SCOC: variants seen among roughly 807,000 people sequenced by gnomAD.
The protein encoded by SCOC is short coiled-coil protein, also known as short coiled coil protein.
Under a neutral mutation model 9.9 loss-of-function variants are expected in SCOC, and 7 were observed. The observed-to-expected ratio is 0.71, with a 90% confidence interval of 0.40 to 1.33. The LOEUF (loss-of-function observed/expected upper bound fraction) is 1.33. SCOC is among the 40% of genes most tolerant of loss of function. SCOC has a pLI of 0.01. For synonymous variants in SCOC, 19 were observed against 28.2 expected, an observed-to-expected ratio of 0.67 and a Z score of 1.03; for missense variants, 66 against 89.7, an observed-to-expected ratio of 0.74 and a Z score of 1.07.
At chr4:140,362,630 T>C (rs1346056068) in intron 2 of SCOC, 1 of 151,842 alleles carries the variant, frequency 6.6e-6, no homozygotes, top group Admixed American at 6.6e-5. Flanking sequence ...GGTCAAATAG[T>C]GGAAAAGAAA....
chr4:140,287,631 C>T (rs1200300454), intron 1 of SCOC, among the ~76,000 whole-genome samples: 3 of 152,060 alleles, frequency 2.0e-5, no homozygotes, highest in Admixed American at 1.3e-4. Flanking sequence ...TGCATATGCA[C>T]ATGCCACACA....
At chr4:140,312,713 C>T (rs979005317) in intron 1 of SCOC, among the ~76,000 whole-genome samples, 6 of 152,294 alleles carry the variant, frequency 3.9e-5, no homozygotes, top group Middle Eastern at 3.4e-3. Flanking sequence ...GGATTACAGG[C>T]ATGAGCCATA....
At position 140,384,389 on chromosome 4, in the gene SCOC, TAGAC is replaced by T. The variant is rs549725785; in HGVS notation, c.*3288_*3291del. ...TTCTGGAAAAGACTCGACCAAATTTTAGACAGGCACCTCTGAGCCCTGTTTTTGA... is the reference window on the plus strand; with the variant it reads ...TTCTGGAAAAGACTCGACCAAATTTTAGGCACCTCTGAGCCCTGTTTTTGA... On this transcript the variant is annotated 3_prime_UTR_variant, in exon 4 of 4. Transcript: ENST00000608372. 7 of 152,332 alleles carry T rather than the reference TAGAC, an allele frequency of 4.6e-5. No individual in the cohort carries two copies. Among genetic ancestry groups the T allele is most frequent in the East Asian group, 1.9e-4 (1 of 5,182 alleles). The allele number at this position is 152,332 out of a possible 1,614,324, so 9.4% of individuals were successfully genotyped here.
chr4:140,260,919 T>C (rs1354337049), intron 1 of SCOC, among the ~76,000 whole-genome samples: 2 of 152,244 alleles, frequency 1.3e-5, no homozygotes, highest in African/African-American at 4.8e-5. Flanking sequence ...AGCTGATTAA[T>C]AGTTTTTCTT....
At chr4:140,370,050 T>C (rs1275219820), upstream of SCOC, among the ~76,000 whole-genome samples, 1 of 152,024 alleles carries the variant, frequency 6.6e-6, no homozygotes, top group African/African-American at 2.4e-5. Context: ...ATGCAAGAGC[T>C]GCCTTTTTAT....
At chr4:140,290,884 A>G (rs562500888) in intron 1 of SCOC, among the ~76,000 whole-genome samples, 1 of 152,316 alleles carries the variant, frequency 6.6e-6, no homozygotes, top group East Asian at 1.9e-4. Context: ...TGGTCACTTG[A>G]TGTTCCATGG....
chr4:140,307,321 C>T (rs1222685853), intron 1 of SCOC, among the ~76,000 whole-genome samples: 2 of 152,210 alleles, frequency 1.3e-5, no homozygotes, highest in African/African-American at 4.8e-5. Context: ...CTGCTAAAAT[C>T]AGTGTTGTTC....
chr4:140,337,706 A>G (rs780330799), intron 1 of SCOC, among the ~76,000 whole-genome samples: 3 of 152,222 alleles, frequency 2.0e-5, no homozygotes. Flanking sequence ...CCTGGAAGAA[A>G]TGGATAAATT....
chr4:140,362,300 T>TTCTTCTTCTTC (rs562255556), intron 2 of SCOC, among the ~76,000 whole-genome samples: 4 of 36,558 alleles, frequency 1.1e-4, no homozygotes, highest in African/African-American at 4.3e-4. Flanking sequence ...CTTCTTCTTC[T>TTCTTCTTCTTC]TTTTTTTTTT....
Position 140,379,668 on chromosome 4 carries a change from G to A in SCOC, c.106+16G>A. 1.3e-6 allele frequency: 2 copies of A among 1,574,390 alleles called. No homozygotes were observed. Among genetic ancestry groups the A allele is most frequent in the African/African-American group, 1.4e-5 (1 of 73,576 alleles). ...ACACTTGAAGGTTGGCTTGCATTTT[G>A]TAGTTTATTTGAATGACAGCCAATT... On this transcript the variant is annotated intron_variant, in intron 3 of 3. Transcript: ENST00000608372.
intron 1 of SCOC, chr4:140,291,628 C>A (rs529117534): frequency 4.8e-6 from 2 of 414,942 alleles, no homozygotes; most frequent in Non-Finnish European, 9.8e-6. Flanking sequence ...TGACCATGTA[C>A]CATGTACCTG....
intron 1 of SCOC, chr4:140,291,283 T>C: frequency 2.7e-6 from 1 of 375,414 alleles, no homozygotes; most frequent in South Asian, 2.0e-5. Context: ...TGCTTCCTTT[T>C]TTTGTGATAG....
In SCOC at chr4:140,321,213, T is replaced by C. The variant is rs1005964463; in HGVS notation, c.-18-22408T>C. ...TAAAAGTCTAGCAGAAGGAAAGGCA[T>C]GCTCAGTTCCAAGCATAAAAATATT... is the stretch of plus-strand genomic sequence containing the variant. On this transcript the variant is annotated intron_variant, in intron 1 of 4. Transcript: ENST00000394205. 1.1e-4 allele frequency among the ~76,000 whole-genome samples: 16 copies of C among 152,146 alleles called. 2 individuals are homozygous for C. The highest frequency in any genetic ancestry group is 9.2e-4 in the Admixed American group (14 of 15,264).
intron 2 of SCOC, chr4:140,366,883 G>A (rs1013165901): frequency 2.1e-5 from 15 of 713,782 alleles, no homozygotes; most frequent in Middle Eastern, 6.0e-4. Context: ...TGGCAAGAAG[G>A]AAGAAGGCCA....
chr4:140,329,947 T>G (rs1439332615), intron 1 of SCOC, among the ~76,000 whole-genome samples: 1 of 152,192 alleles, frequency 6.6e-6, no homozygotes, highest in Non-Finnish European at 1.5e-5. Flanking sequence ...GCAATCCCAC[T>G]ACTACGTATC....
intron 2 of SCOC, among the ~76,000 whole-genome samples, chr4:140,351,982 C>T (rs1466572188): frequency 2.0e-5 from 3 of 152,310 alleles, no homozygotes; most frequent in East Asian, 3.9e-4. Context: ...GCCAAGCGGC[C>T]ATTGCCAGCT....
At chr4:140,362,299 C>CTTTTCTTTTTTT (rs1553941117) in intron 2 of SCOC, among the ~76,000 whole-genome samples, 1 of 38,348 alleles carries the variant, frequency 2.6e-5, no homozygotes, top group Non-Finnish European at 6.8e-5. Flanking sequence ...TCTTCTTCTT[C>CTTTTCTTTTTTT]TTTTTTTTTT....
chr4:140,362,469 A>C lies in SCOC; in HGVS notation c.71-16652A>C, dbSNP rs1258939354. ...GCCACCATGCCCGGCTAATTTTTGT[A>C]TTTTTATTACAGACAGGGTTTCACT... On this transcript the variant is annotated intron_variant, in intron 2 of 4. Coordinates refer to the SCOC transcript ENST00000338517. Among the ~76,000 whole-genome samples, 7 of 149,144 alleles carry C rather than the reference A, an allele frequency of 4.7e-5. No individual in the cohort carries two copies. In the East Asian group the frequency reaches 6.0e-4, roughly 13 times the overall value.
Position 140,314,167 on chromosome 4 carries a change from C to T in SCOC, c.-18-29454C>T, listed in dbSNP as rs114778772. The stretch of plus-strand genomic sequence containing the variant: ...TCATCATTGCCATTGCCAGACTTGA[C>T]ATGAGATGTTAAATGTTCAGCCCAA... On this transcript the variant is annotated intron_variant, in intron 1 of 4. Coordinates refer to the SCOC transcript ENST00000394205. 487 of 205,518 alleles carry T rather than the reference C, an allele frequency of 2.4e-3. 1 individual carries two copies. Among genetic ancestry groups the T allele is most frequent in the African/African-American group, 0.011 (463 of 42,896 alleles). The allele number at this position is 205,518 out of a possible 1,614,324, so 12.7% of individuals were successfully genotyped here. A position where few individuals can be genotyped will look rare whatever the true frequency, so the allele number is the denominator to read the frequency against.
Sources: allele counts gnomAD v4.1 joint callset (sites outside exome capture counted in the v4.1 genomes callset), GRCh38; gene constraint gnomAD v4.1.1; transcripts MANE v1.5; gene names NCBI Gene and HGNC (gene_info 2026-07-23, HGNC 2026-07-21).